The following CEP192 variants were observed in gnomAD, a reference collection of about 807,000 sequenced individuals.
CEP192 encodes centrosomal protein of 192 kDa.
In CEP192, 151 loss-of-function variants were observed where a neutral mutation model predicts 271.8. The ratio of observed to expected loss-of-function variants is 0.56; its 90% CI spans 0.49 to 0.64. The LOEUF is 0.64. CEP192 is among the 30% of genes least tolerant of loss of function. CEP192 has a pLI of 0.00. For synonymous variants in CEP192, 995 were observed against 1,076.5 expected (o/e 0.92, Z 1.48); for missense variants, 2,910 against 3,020.5 (o/e 0.96, Z 0.86).
intron 4 of CEP192, among the ~76,000 whole-genome samples, chr18:13,012,481 A>T (rs2034419547): frequency 6.6e-6 from 1 of 152,138 alleles, no homozygotes; most frequent in Non-Finnish European, 1.5e-5. Context: ...CGGTGCTATT[A>T]ACACAGCTAA....
intron 3 of CEP192, among the ~76,000 whole-genome samples, chr18:13,007,694 A>G (rs577138123): frequency 4.6e-5 from 7 of 152,292 alleles, no homozygotes; most frequent in African/African-American, 1.7e-4. Context: ...CTACAGCCCC[A>G]GTAAAGAGAT....
At chr18:13,034,418 G>A (rs977262969) in intron 11 of CEP192, among the ~76,000 whole-genome samples, 24 of 152,036 alleles carry the variant, frequency 1.6e-4, no homozygotes, top group Non-Finnish European at 2.5e-4. Context: ...ATTCAGAAAA[G>A]GAAGGTTGGA....
chr18:13,003,061 T>C (rs1449655727), intron 3 of CEP192, among the ~76,000 whole-genome samples: 1 of 152,016 alleles, frequency 6.6e-6, no homozygotes, highest in African/African-American at 2.4e-5. Context: ...TTATAGTATA[T>C]TGAAAGGGAA....
chr18:13,067,748 T>C, intron 21 of CEP192, 83 bp from the exon 22 acceptor site: 1 of 1,176,670 alleles, frequency 8.5e-7, no homozygotes, highest in African/African-American at 1.5e-5. Flanking sequence ...AATTTGTGGC[T>C]AGAAATGGCA....
chr18:13,028,519 T>C (rs1197655295), intron 9 of CEP192, among the ~76,000 whole-genome samples: 2 of 150,976 alleles, frequency 1.3e-5, no homozygotes, highest in African/African-American at 4.8e-5. Context: ...TGTTTATTTA[T>C]TTTATTTATT....
At chr18:13,017,741 G>C (rs184774076) in intron 7 of CEP192, among the ~76,000 whole-genome samples, 56 of 152,208 alleles carry the variant, frequency 3.7e-4, no homozygotes, top group African/African-American at 1.3e-3. Context: ...CCACAATTCT[G>C]TTACCTAACT....
chr18:13,042,316 T>C lies in CEP192; in HGVS notation c.2049T>C (p.Ala683=). Residue 683 remains alanine, a synonymous_variant, in exon 15 of 45, where the codon GCT becomes GCC. Transcript: ENST00000506447. ...QVDENDVTLT[A]DKGKTEDTFF... is the part of the protein sequence containing the mutation. ...ATGAAAATGATGTGACGTTAACGGC[T>C]GATAAAGGCAAAACAGAGGTAGCTT... The C allele has an allele frequency of 1.2e-6, 2 of 1,614,016 alleles. No homozygotes were observed. Among genetic ancestry groups the C allele is most frequent in the South Asian group, 2.2e-5 (2 of 91,066 alleles).
At position 13,049,214 on chromosome 18, in the gene CEP192, C is replaced by T. The variant is rs146445120; in HGVS notation, c.2423C>T (p.Thr808Ile). Reference protein sequence around the residue: ...ENFSRASMSDTWDLSLPKEQT... With the variant: ...ENFSRASMSDIWDLSLPKEQT... ...TTTTCAAGGGCTAGTATGTCTGATA[C>T]TTGGGATTTATCTTTGCCCAAAGAA... Residue 808 changes from threonine (T) to isoleucine (I), a missense_variant, in exon 16 of 45, where the codon ACT becomes ATT. By Grantham distance (89) the Thr-to-Ile change is moderately conservative. Coordinates refer to ENST00000506447, the MANE Select transcript of CEP192 (RefSeq NM_032142.4). 3.8e-4 allele frequency: 613 copies of T among 1,614,000 alleles called. 1 individual carries two copies. Among genetic ancestry groups the T allele is most frequent in the Non-Finnish European group, 4.7e-4 (552 of 1,179,994 alleles).
At chr18:13,088,720 A>T in intron 32 of CEP192, 1 of 243,702 alleles carries the variant, frequency 4.1e-6, no homozygotes, top group Non-Finnish European at 8.6e-6. Flanking sequence ...CTAATACAGA[A>T]TTTGGGAAAT....
chr18:12,999,461 C>T lies in CEP192; in HGVS notation c.37C>T (p.Pro13Ser), dbSNP rs771835959. The change falls in exon 2 of 45, where the codon CCA becomes TCA. Residue 13 changes from proline to serine, a missense_variant. Pro to Ser is a moderately conservative substitution (Grantham distance 74). Coordinates refer to ENST00000506447, the MANE Select transcript of CEP192 (RefSeq NM_032142.4). ...DFRGIAEESFPSFLTNSLFGN... is the reference protein window; with the variant it reads ...DFRGIAEESFSSFLTNSLFGN... ...TCGAGGTATAGCAGAAGAATCATTT[C>T]CAAGCTTTCTCACCAATTCATTATT... The T allele has an allele frequency of 6.5e-7, 1 of 1,549,134 alleles. No homozygotes were observed. Among genetic ancestry groups the T allele is most frequent in the East Asian group, 2.4e-5 (1 of 40,852 alleles).
intron 15 of CEP192, among the ~76,000 whole-genome samples, chr18:13,047,335 G>A (rs574006286): frequency 6.6e-5 from 10 of 151,792 alleles, no homozygotes; most frequent in South Asian, 2.1e-4. Flanking sequence ...ATGTTTTACT[G>A]TGGTATCTTT....
intron 36 of CEP192, among the ~76,000 whole-genome samples, chr18:13,098,145 C>T (rs2039502234): frequency 6.6e-6 from 1 of 152,256 alleles, no homozygotes; most frequent in Non-Finnish European, 1.5e-5. Flanking sequence ...AGCCCGTTCT[C>T]GATGAGCTGT....
At chr18:13,052,350 T>A (rs561753786) in intron 17 of CEP192, among the ~76,000 whole-genome samples, 2 of 152,370 alleles carry the variant, frequency 1.3e-5, no homozygotes, top group South Asian at 4.1e-4. Context: ...TCCTGTCTGA[T>A]TTAAGCTTTC....
At chr18:13,080,536 G>T (rs968062290) in intron 30 of CEP192, among the ~76,000 whole-genome samples, 2 of 152,116 alleles carry the variant, frequency 1.3e-5, no homozygotes, top group African/African-American at 4.8e-5. Context: ...GGAGATTTTG[G>T]GCTGAGACGA....
intron 36 of CEP192, among the ~76,000 whole-genome samples, chr18:13,097,125 G>A (rs1292200017): frequency 6.6e-6 from 1 of 152,234 alleles, no homozygotes; most frequent in African/African-American, 2.4e-5. Context: ...GCTGGGACCA[G>A]AGCAGTCAGT....
intron 7 of CEP192, among the ~76,000 whole-genome samples, chr18:13,018,019 C>T (rs2034760134): frequency 6.6e-6 from 1 of 152,038 alleles, no homozygotes; most frequent in East Asian, 1.9e-4. Context: ...TCTCTCCTGA[C>T]TAGATTAGAT....
chr18:13,009,976 A>G (rs778418499), intron 4 of CEP192, among the ~76,000 whole-genome samples: 1 of 152,076 alleles, frequency 6.6e-6, no homozygotes, highest in Non-Finnish European at 1.5e-5. Flanking sequence ...CTGGGCAACA[A>G]GGTGAAACTC....
chr18:13,063,597 C>T (rs570019691), intron 21 of CEP192, among the ~76,000 whole-genome samples: 1 of 152,154 alleles, frequency 6.6e-6, no homozygotes, highest in Admixed American at 6.5e-5. Flanking sequence ...GTTTGAGCCC[C>T]TTATATATTC....
intron 9 of CEP192, among the ~76,000 whole-genome samples, chr18:13,026,116 T>G (rs533895617): frequency 6.6e-6 from 1 of 152,328 alleles, no homozygotes; most frequent in East Asian, 1.9e-4. Flanking sequence ...TGAAGGATAA[T>G]TTCTTAGGGT....
Sources: allele counts gnomAD v4.1 joint callset (sites outside exome capture counted in the v4.1 genomes callset), GRCh38; gene constraint gnomAD v4.1.1; transcripts MANE v1.5; gene names NCBI Gene and HGNC (gene_info 2026-07-23, HGNC 2026-07-21).